ADGRV1: variants seen among roughly 807,000 people sequenced by gnomAD.
The protein encoded by ADGRV1 is G-protein coupled receptor 98.
ADGRV1 carries 359 observed loss-of-function variants against 596.2 expected under a neutral mutation model. That is an observed-to-expected ratio of 0.60 (90% CI 0.55 to 0.66). The LOEUF (loss-of-function observed/expected upper bound fraction) is 0.66, where lower values mean the gene tolerates loss of function less well. ADGRV1 is among the 30% of genes least tolerant of loss of function. ADGRV1 has a pLI of 0.00. For missense variants in ADGRV1, 7,274 were observed against 7,575.6 expected, an observed-to-expected ratio of 0.96 and a Z score of 1.48; for synonymous variants, 2,681 against 2,679.2, an observed-to-expected ratio of 1.00 and a Z score of -0.02.
intron 48 of ADGRV1, among the ~76,000 whole-genome samples, chr5:90,726,956 A>G (rs982055155): frequency 7.9e-5 from 12 of 152,206 alleles, no homozygotes; most frequent in African/African-American, 2.4e-5. Flanking sequence ...AATATTTAAC[A>G]TATCCCAAAC....
chr5:90,784,509 G>A (rs1396525939), intron 67 of ADGRV1, among the ~76,000 whole-genome samples: 1 of 152,172 alleles, frequency 6.6e-6, no homozygotes, highest in African/African-American at 2.4e-5. Context: ...AATTGCGAGT[G>A]CTGTTGGTGA....
intron 21 of ADGRV1, among the ~76,000 whole-genome samples, chr5:90,669,691 A>G (rs1289681046): frequency 2.0e-5 from 3 of 152,228 alleles, no homozygotes; most frequent in Non-Finnish European, 4.4e-5. Flanking sequence ...AAGTGTGGCT[A>G]GTAACACAGG....
At chr5:90,776,414 G>T (rs745891239) in intron 60 of ADGRV1, 39 bp from the exon 61 acceptor site, 2 of 1,577,070 alleles carry the variant, frequency 1.3e-6, no homozygotes, top group African/African-American at 1.3e-5. Context: ...GTGCTTATGT[G>T]CACCTGCTAC....
In ADGRV1 at chr5:90,637,648, AAT is replaced by A. The variant is rs1157842634; in HGVS notation, c.2017-74_2017-73del. 7.8e-6 allele frequency: 8 copies of A among 1,026,996 alleles called. No homozygotes were observed. In the African/African-American group the frequency reaches 9.6e-5, roughly 12 times the overall value. 63.6% of individuals were successfully genotyped at this position (1,026,996 alleles called of 1,614,324 possible). On this transcript the variant is annotated intron_variant, in intron 10 of 89. Transcript: ENST00000405460. ...TCACACAGTAATATATGTACAAACT[AAT>A]ATCAATACCAAAGCTTATATAATTT...
intron 2 of ADGRV1, among the ~76,000 whole-genome samples, 180 bp downstream of exon 2, chr5:90,615,199 A>C (rs1763217472): frequency 6.6e-6 from 1 of 151,932 alleles, no homozygotes; most frequent in Non-Finnish European, 1.5e-5. Context: ...GTGCTCCAAC[A>C]TAATCATGTA....
At chr5:90,910,759 G>C (rs1378597344) in intron 83 of ADGRV1, among the ~76,000 whole-genome samples, 1 of 152,068 alleles carries the variant, frequency 6.6e-6, no homozygotes, top group Admixed American at 6.6e-5. Context: ...CTCCCAGTGA[G>C]GGGTGGTTTC....
intron 83 of ADGRV1, among the ~76,000 whole-genome samples, chr5:90,905,808 C>T (rs1389843302): frequency 1.3e-5 from 2 of 152,044 alleles, no homozygotes; most frequent in Non-Finnish European, 2.9e-5. Flanking sequence ...TGTTGTGTTC[C>T]AGATCTCAGA....
chr5:90,782,606 T>G (rs761316661), intron 65 of ADGRV1, among the ~76,000 whole-genome samples: 1 of 152,176 alleles, frequency 6.6e-6, no homozygotes, highest in Non-Finnish European at 1.5e-5. Context: ...AGACACATTT[T>G]CAGATTCACA....
chr5:90,692,478 C>G, intron 31 of ADGRV1, 127 bp from the exon 32 acceptor site: 1 of 682,002 alleles, frequency 1.5e-6, no homozygotes, highest in Non-Finnish European at 2.4e-6. Flanking sequence ...TTCTTTTAGT[C>G]CATTTATATT....
chr5:91,079,898 G>A (rs549727713), intron 86 of ADGRV1, among the ~76,000 whole-genome samples: 3 of 152,212 alleles, frequency 2.0e-5, no homozygotes, highest in East Asian at 3.9e-4. Context: ...AAGAGTAAAG[G>A]GCTGGCACTG....
chr5:90,992,857 A>G (rs1781081009), intron 85 of ADGRV1, among the ~76,000 whole-genome samples: 1 of 152,140 alleles, frequency 6.6e-6, no homozygotes, highest in Non-Finnish European at 1.5e-5. Context: ...GTTTTATGTC[A>G]ATTCTTTTTA....
chr5:90,704,322 A>C, intron 35 of ADGRV1, 67 bp from the exon 36 acceptor site: 1 of 953,634 alleles, frequency 1.0e-6, no homozygotes, highest in Non-Finnish European at 1.6e-6. Flanking sequence ...AGGTGAATAA[A>C]AATAAAGCAG....
intron 83 of ADGRV1, among the ~76,000 whole-genome samples, chr5:90,942,495 G>A (rs890857586): frequency 6.6e-6 from 1 of 152,158 alleles, no homozygotes; most frequent in Non-Finnish European, 1.5e-5. Context: ...AGACTAGTGA[G>A]AAGCTTAAGT....
intron 1 of ADGRV1, among the ~76,000 whole-genome samples, chr5:90,612,378 C>T (rs924750832): frequency 1.3e-5 from 2 of 151,968 alleles, no homozygotes; most frequent in African/African-American, 2.4e-5. Flanking sequence ...TGCTTGGAAA[C>T]GTAGCATAAA....
intron 87 of ADGRV1, among the ~76,000 whole-genome samples, chr5:91,115,230 T>C (rs949353120): frequency 2.0e-5 from 3 of 152,238 alleles, no homozygotes; most frequent in African/African-American, 4.8e-5. Context: ...GTTTACATAG[T>C]TGTACTCAAT....
intron 2 of ADGRV1, 195 bp from the exon 3 acceptor site, chr5:90,617,609 G>C: frequency 2.1e-6 from 1 of 478,222 alleles, no homozygotes; most frequent in South Asian, 2.5e-5. Flanking sequence ...CGCCTGGCCT[G>C]GAATCATTTG....
Position 90,778,411 on chromosome 5 carries a change from CTT to C in ADGRV1, c.12667-14_12667-13del, listed in dbSNP as rs1209476860. ...TCCACAGATTCTACTGTTGATGACT[CTT>C]TGTCTTTTTCTAGGCTTTGAACGAT... is the stretch of plus-strand genomic sequence containing the variant. On this transcript the variant is annotated splice_polypyrimidine_tract_variant and intron_variant, in intron 62 of 89. Coordinates refer to ENST00000405460, the MANE Select transcript of ADGRV1 (RefSeq NM_032119.4). The C allele has an allele frequency of 1.1e-5, 18 of 1,608,724 alleles. No individual in the cohort carries two copies. The Admixed American group carries it at 1.7e-4, about 15-fold the overall frequency.
Position 90,776,453 on chromosome 5 carries a change from G to A in ADGRV1, c.12404G>A (p.Gly4135Asp). ...GTGGTCTATATCATCTTGAATTTAG[G>A]TAGTGCATCAATAATTATTCGGGGT... ...IDEVEISPVK[G>D]SASIIIRGDK... Residue 4135 changes from glycine to aspartate, a missense_variant and splice_region_variant, in exon 61 of 90, where the codon GGT (glycine) becomes GAT (aspartate). Coordinates refer to ENST00000405460, the MANE Select transcript of ADGRV1 (RefSeq NM_032119.4). 1 of 1,609,958 alleles carries A rather than the reference G, an allele frequency of 6.2e-7. No homozygotes were observed. Among genetic ancestry groups the A allele is most frequent in the Non-Finnish European group, 8.5e-7 (1 of 1,177,542 alleles).
At chr5:91,150,263 G>C (rs1428586910) in intron 88 of ADGRV1, 42 bp downstream of exon 88, 5 of 1,315,222 alleles carry the variant, frequency 3.8e-6, no homozygotes, top group East Asian at 2.6e-5. Context: ...CTCTGTCTCT[G>C]TCTCTCTCTC....
Sources: allele counts gnomAD v4.1 joint callset (sites outside exome capture counted in the v4.1 genomes callset), GRCh38; gene constraint gnomAD v4.1.1; transcripts MANE v1.5; gene names NCBI Gene and HGNC (gene_info 2026-07-23, HGNC 2026-07-21).